PLEKHS1: variants seen among roughly 807,000 people sequenced by gnomAD.
PLEKHS1 encodes pleckstrin homology domain-containing family S member 1.
PLEKHS1 carries 55 observed loss-of-function variants against 51.0 expected under a neutral mutation model. The observed-to-expected ratio is 1.08, with a 90% CI of 0.87 to 1.35. PLEKHS1 has a LOEUF of 1.35. Among genes scored for constraint, PLEKHS1 ranks in the 40% most tolerant of loss-of-function variants. The pLI, the probability that PLEKHS1 is intolerant of heterozygous loss-of-function variation, is 0.00. For missense variants in PLEKHS1, 398 were observed against 423.0 expected, an observed-to-expected ratio of 0.94 and a Z score of 0.52; for synonymous variants, 153 against 144.8, an observed-to-expected ratio of 1.06 and a Z score of -0.41.
chr10:113,761,101 G>A (rs1386248194), intron 2 of PLEKHS1, among the ~76,000 whole-genome samples: 1 of 152,092 alleles, frequency 6.6e-6, no homozygotes, highest in Non-Finnish European at 1.5e-5. Flanking sequence ...TAATGTATGG[G>A]TTTGTTTCTG....
chr10:113,756,158 T>C (rs1053142594), intron 2 of PLEKHS1, among the ~76,000 whole-genome samples: 6 of 152,238 alleles, frequency 3.9e-5, no homozygotes, highest in Admixed American at 6.5e-5. Flanking sequence ...TGCTTTATGT[T>C]GCAGGGGATA....
At chr10:113,777,436 AG>A (rs1564828860) in intron 11 of PLEKHS1, 177 bp downstream of exon 12, 5 of 1,607,136 alleles carry the variant, frequency 3.1e-6, no homozygotes, top group Non-Finnish European at 4.2e-6. Flanking sequence ...TTTCATATCA[AG>A]TAGCATTTGG....
chr10:113,776,472 C>T (rs1349527127), intron 11 of PLEKHS1, among the ~76,000 whole-genome samples: 2 of 152,150 alleles, frequency 1.3e-5, no homozygotes, highest in African/African-American at 2.4e-5. Context: ...AAACACTACA[C>T]ATTAATTGTC....
chr10:113,763,067 G>A (rs962695799), intron 2 of PLEKHS1, among the ~76,000 whole-genome samples: 2 of 152,086 alleles, frequency 1.3e-5, no homozygotes, highest in Non-Finnish European at 2.9e-5. Flanking sequence ...AATTGCGGAT[G>A]TGTCCATTTA....
chr10:113,773,813 C>T (rs545217126), intron 8 of PLEKHS1, among the ~76,000 whole-genome samples: 5 of 152,188 alleles, frequency 3.3e-5, no homozygotes, highest in Non-Finnish European at 7.3e-5. Context: ...CCTGAAGCCA[C>T]TTGGGCTGCC....
At chr10:113,764,829 G>A (rs1269349734) in intron 2 of PLEKHS1, 1 of 152,376 alleles carries the variant, frequency 6.6e-6, no homozygotes, top group African/African-American at 2.4e-5. Flanking sequence ...ATGCCTTTAA[G>A]TGCACTAATC....
At chr10:113,766,035 A>G (rs1042677398) in intron 2 of PLEKHS1, among the ~76,000 whole-genome samples, 8 of 152,204 alleles carry the variant, frequency 5.3e-5, no homozygotes, top group Admixed American at 5.2e-4. Flanking sequence ...TTGCCACTTC[A>G]TTTTTAATAG....
intron 11 of PLEKHS1, chr10:113,777,518 G>A: frequency 1.3e-6 from 2 of 1,559,564 alleles, no homozygotes; most frequent in East Asian, 2.4e-5. Flanking sequence ...AGCAAAAAGA[G>A]CTTGCATGGA....
chr10:113,781,041 T>C, exon 12 of PLEKHS1: 1 of 490,250 alleles, frequency 2.0e-6, no homozygotes, highest in East Asian at 3.4e-5. Flanking sequence ...CAGACACAGA[T>C]TGGGTCAGTC....
chr10:113,771,923 T>C, intron 7 of PLEKHS1, 47 bp from the exon 8 acceptor site: 2 of 1,577,978 alleles, frequency 1.3e-6, no homozygotes, highest in East Asian at 2.2e-5. Flanking sequence ...GATTTAATTC[T>C]ATCTCTTGCA....
chr10:113,776,018 T>C, intron 11 of PLEKHS1, 152 bp downstream of exon 11: 1 of 541,080 alleles, frequency 1.8e-6, no homozygotes, highest in Non-Finnish European at 3.1e-6. Flanking sequence ...CAAAAAAATC[T>C]TTGAGGCAGA....
intron 4 of PLEKHS1, 94 bp downstream of exon 4, chr10:113,766,812 C>A: frequency 3.3e-6 from 3 of 918,550 alleles, no homozygotes; most frequent in Non-Finnish European, 5.0e-6. Flanking sequence ...CATAATTGAC[C>A]AAAGGAACCT....
intron 7 of PLEKHS1, 110 bp from the exon 8 acceptor site, chr10:113,771,860 C>T (rs1348433664): frequency 7.8e-7 from 1 of 1,279,600 alleles, no homozygotes; most frequent in African/African-American, 1.5e-5. Context: ...TTGGAAGACC[C>T]TCTGGTCTTT....
At chr10:113,760,892 A>T (rs1272757166) in intron 2 of PLEKHS1, among the ~76,000 whole-genome samples, 2 of 152,164 alleles carry the variant, frequency 1.3e-5, no homozygotes, top group South Asian at 2.1e-4. Context: ...CAAATCCAAG[A>T]TTATAAAAAT....
chr10:113,766,636 A>T lies in PLEKHS1; in HGVS notation c.142A>T (p.Ile48Phe), dbSNP rs1409750960. The T allele has an allele frequency of 7.5e-6, 12 of 1,610,130 alleles. 1 individual carries two copies. The South Asian group carries it at 1.2e-4, about 16-fold the overall frequency. The change falls in exon 4 of 12, where the codon ATC becomes TTC. Residue 48 changes from isoleucine to phenylalanine, a missense_variant. Ile to Phe is a conservative substitution (Grantham distance 21). Coordinates refer to ENST00000361048, the Ensembl canonical transcript of PLEKHS1. ...GACCTCTTGGAAAAAGCGGTTTTTCATCCTGTCAAAGGCTGGGGAAAAGAG... is the reference window on the plus strand; with the variant it reads ...GACCTCTTGGAAAAAGCGGTTTTTCTTCCTGTCAAAGGCTGGGGAAAAGAG...
At chr10:113,780,244 T>A (rs1367545480) in intron 11 of PLEKHS1, among the ~76,000 whole-genome samples, 1 of 152,118 alleles carries the variant, frequency 6.6e-6, no homozygotes, top group East Asian at 1.9e-4. Flanking sequence ...AGTTTAAGTT[T>A]CCTCCCAATC....
At chr10:113,778,403 A>T (rs1039340544) in intron 11 of PLEKHS1, among the ~76,000 whole-genome samples, 1 of 152,276 alleles carries the variant, frequency 6.6e-6, no homozygotes, top group African/African-American at 2.4e-5. Flanking sequence ...TCTGAAAACC[A>T]TTGTATTAGA....
chr10:113,759,053 T>C (rs139444326), intron 2 of PLEKHS1, among the ~76,000 whole-genome samples: 1 of 152,010 alleles, frequency 6.6e-6, no homozygotes, highest in East Asian at 1.9e-4. Context: ...TAAAGTGAAG[T>C]GCAACAAAAT....
chr10:113,772,536 T>G (rs1333309716), intron 8 of PLEKHS1, among the ~76,000 whole-genome samples: 1 of 152,180 alleles, frequency 6.6e-6, no homozygotes, highest in East Asian at 1.9e-4. Flanking sequence ...AAGCCCTTAC[T>G]GAATGCCTTC....
Sources: allele counts gnomAD v4.1 joint callset (sites outside exome capture counted in the v4.1 genomes callset), GRCh38; gene constraint gnomAD v4.1.1; transcripts MANE v1.5; gene names NCBI Gene and HGNC (gene_info 2026-07-23, HGNC 2026-07-21).